Variants in XDH observed in about 807,000 individuals in gnomAD.
XDH encodes xanthine dehydrogenase/oxidase.
In XDH, 138 loss-of-function variants were observed where a neutral mutation model predicts 156.1. The observed-to-expected ratio is 0.88, with a 90% confidence interval of 0.77 to 1.02. The LOEUF is 1.02. Among genes scored for constraint, XDH ranks in the 50% least tolerant of loss-of-function variants. The pLI is 0.00. For synonymous variants in XDH, 669 were observed against 625.7 expected (o/e 1.07, Z -1.03); for missense variants, 1,849 against 1,684.9 (o/e 1.10, Z -1.71).
chr2:31,402,904 G>C, intron 3 of XDH, 144 bp downstream of exon 3: 2 of 865,114 alleles, frequency 2.3e-6, no homozygotes, highest in Non-Finnish European at 3.8e-6. Context: ...TCATTCTACA[G>C]TTTTCCTGTG....
At chr2:31,353,324 T>G (rs1685537307) in intron 24 of XDH, among the ~76,000 whole-genome samples, 1 of 152,164 alleles carries the variant, frequency 6.6e-6, no homozygotes, top group Non-Finnish European at 1.5e-5. Context: ...AAGCACACGA[T>G]AATTACTGAC....
chr2:31,414,380 C>G (rs1324133447), intron 1 of XDH, among the ~76,000 whole-genome samples: 1 of 151,810 alleles, frequency 6.6e-6, no homozygotes, highest in Admixed American at 6.6e-5. Context: ...CTCACAGATG[C>G]CTCTCTGCTT....
intron 4 of XDH, among the ~76,000 whole-genome samples, chr2:31,399,927 A>G (rs1023551680): frequency 6.6e-6 from 1 of 152,172 alleles, no homozygotes; most frequent in Admixed American, 6.5e-5. Context: ...CTTGACTCCT[A>G]TGTTTAAACT....
rs973116119 is a variant in XDH, at chr2:31,335,351, G to C, written c.*607C>G. Reference sequence around the variant, plus strand: ...GAGTTGGTTGGATTTTTGTATTATAGAGTAATCTTGCTTTATGCAGCTTCA... The same window carrying C: ...GAGTTGGTTGGATTTTTGTATTATACAGTAATCTTGCTTTATGCAGCTTCA... On this transcript the variant is annotated 3_prime_UTR_variant, in exon 36 of 36. Transcript: ENST00000379416. 3 of 159,472 alleles carry C rather than the reference G, an allele frequency of 1.9e-5. No individual in the cohort carries two copies. The highest frequency in any genetic ancestry group is 7.2e-5 in the African/African-American group (3 of 41,518). The allele number at this position is 159,472 out of a possible 1,614,324, so 9.9% of individuals were successfully genotyped here.
chr2:31,351,821 C>T (rs1685487888), intron 24 of XDH, among the ~76,000 whole-genome samples: 1 of 152,222 alleles, frequency 6.6e-6, no homozygotes, highest in Non-Finnish European at 1.5e-5. Flanking sequence ...AATGTGAAGG[C>T]ATTTTACTAG....
chr2:31,403,832 G>A (rs1045026747), intron 2 of XDH, among the ~76,000 whole-genome samples: 4 of 152,116 alleles, frequency 2.6e-5, no homozygotes, highest in African/African-American at 9.7e-5. Context: ...AACAGCTATT[G>A]TGGAGGTCAC....
chr2:31,347,374 A>G, intron 29 of XDH, 148 bp downstream of exon 29: 3 of 1,227,738 alleles, frequency 2.4e-6, no homozygotes, highest in Non-Finnish European at 3.4e-6. Context: ...GGTTTGGAGA[A>G]ACAGCATCCT....
chr2:31,360,998 G>C (rs183536111), intron 24 of XDH, among the ~76,000 whole-genome samples: 8 of 152,348 alleles, frequency 5.3e-5, no homozygotes, highest in Non-Finnish European at 7.3e-5. Flanking sequence ...ACACAAGCCT[G>C]ATTTAGTAAA....
intron 18 of XDH, among the ~76,000 whole-genome samples, chr2:31,369,670 A>G (rs1370807139): frequency 6.6e-6 from 1 of 152,216 alleles, no homozygotes; most frequent in African/African-American, 2.4e-5. Context: ...AGAAGCTCTT[A>G]AAGTATGTAA....
At chr2:31,345,652 G>T (rs1685264038) in intron 30 of XDH, among the ~76,000 whole-genome samples, 1 of 152,040 alleles carries the variant, frequency 6.6e-6, no homozygotes, top group African/African-American at 2.4e-5. Flanking sequence ...CCTAAAACCT[G>T]CACTAGTCAT....
At chr2:31,338,003 A>G (rs992522678) in intron 34 of XDH, among the ~76,000 whole-genome samples, 186 bp from the exon 35 acceptor site, 6 of 152,234 alleles carry the variant, frequency 3.9e-5, no homozygotes, top group African/African-American at 1.2e-4. Flanking sequence ...GGGGCTAAGA[A>G]CAATCAAGCT....
chr2:31,374,979 T>A (rs1041965375), intron 15 of XDH, among the ~76,000 whole-genome samples: 5 of 151,246 alleles, frequency 3.3e-5, no homozygotes, highest in Admixed American at 1.3e-4. Context: ...CACTCTGCAT[T>A]CCCTTTCTTT....
chr2:31,341,634 CT>C (rs1349806194), intron 32 of XDH, among the ~76,000 whole-genome samples: 1 of 152,068 alleles, frequency 6.6e-6, no homozygotes, highest in Non-Finnish European at 1.5e-5. Context: ...GCAATGATCT[CT>C]CAGTAACTGG....
Position 31,405,950 on chromosome 2 carries a change from A to C in XDH, c.57T>G (p.Asn19Lys). The C allele has an allele frequency of 6.2e-7, 1 of 1,614,132 alleles. No individual in the cohort carries two copies. Among genetic ancestry groups the C allele is most frequent in the Non-Finnish European group, 8.5e-7 (1 of 1,180,020 alleles). ...CCAAAAGGGTTGTCTCTGGATCTGCATTTTTCTCCACCACCTATTAAAATA... is the reference window on the plus strand; with the variant it reads ...CCAAAAGGGTTGTCTCTGGATCTGCCTTTTTCTCCACCACCTATTAAAATA... ...FVNGRKVVEK[N>K]ADPETTLLAY... Residue 19 changes from asparagine (N) to lysine (K), a missense_variant, in exon 2 of 36, where the codon AAT becomes AAG. By Grantham distance (94) the Asn-to-Lys change is moderately conservative (BLOSUM62 0). Coordinates refer to ENST00000379416, the MANE Select transcript of XDH (RefSeq NM_000379.4).
At chr2:31,349,396 G>A (rs1165685746) in intron 26 of XDH, among the ~76,000 whole-genome samples, 3 of 152,158 alleles carry the variant, frequency 2.0e-5, no homozygotes, top group South Asian at 2.1e-4. Context: ...TAACTGTGAC[G>A]TGTTAGTCCT....
chr2:31,379,814 C>A, intron 13 of XDH, 53 bp downstream of exon 13: 2 of 1,549,300 alleles, frequency 1.3e-6, no homozygotes, highest in Non-Finnish European at 1.8e-6. Context: ...TTGTCTAGAG[C>A]CTGGCAATAG....
At position 31,339,658 on chromosome 2, in the gene XDH, T is replaced by C; in HGVS notation, c.3605A>G (p.Gln1202Arg). The C allele has an allele frequency of 6.2e-7, 1 of 1,614,138 alleles. No individual in the cohort carries two copies. Among genetic ancestry groups the C allele is most frequent in the East Asian group, 2.2e-5 (1 of 44,874 alleles). ...DIGQVEGAFV[Q>R]GLGLFTLEEL... ...CTCTAGGGTGAAGAGGCCAAGGCCC[T>C]GGACAAATGCCCCTTCCACCTGCAG... The change falls in exon 34 of 36, where the codon CAG (glutamine) becomes CGG (arginine). Residue 1202 changes from glutamine to arginine, a missense_variant. Physicochemically the swap from Gln to Arg is conservative, Grantham distance 43. Transcript: ENST00000379416.
chr2:31,362,447 T>C lies in XDH; in HGVS notation c.2631+1711A>G, dbSNP rs139403429. ...TCCCAGTAAAGCCTATTAAAGTTCT[T>C]ACTAACTAGATAAGCCACAAGTAAA... On this transcript the variant is annotated intron_variant, in intron 24 of 35. Coordinates refer to ENST00000379416, the MANE Select transcript of XDH (RefSeq NM_000379.4). Among the ~76,000 whole-genome samples the C allele has an allele frequency of 2.6e-5, 4 of 152,338 alleles. No individual in the cohort carries two copies. In the East Asian group the frequency reaches 7.7e-4, roughly 29 times the overall value.
chr2:31,374,234 C>T (rs1385750690), intron 15 of XDH, among the ~76,000 whole-genome samples: 1 of 152,202 alleles, frequency 6.6e-6, no homozygotes, highest in African/African-American at 2.4e-5. Flanking sequence ...CTCCTTCTTG[C>T]ATTTATGCCT....
Sources: allele counts gnomAD v4.1 joint callset (sites outside exome capture counted in the v4.1 genomes callset), GRCh38; gene constraint gnomAD v4.1.1; transcripts MANE v1.5; gene names NCBI Gene and HGNC (gene_info 2026-07-23, HGNC 2026-07-21).